SHE: variants seen among roughly 807,000 people sequenced by gnomAD.
SHE encodes Src homology 2 domain containing E.
SHE carries 11 observed loss-of-function variants against 49.8 expected under a neutral mutation model. The observed-to-expected ratio is 0.22, with a 90% CI of 0.14 to 0.37. The LOEUF is 0.37. Ranked by LOEUF, SHE falls within the 10% of genes least tolerant of loss-of-function variation. The pLI is 1.00. For synonymous variants in SHE, 310 were observed against 278.1 expected (o/e 1.11, Z -1.14); for missense variants, 624 against 655.5 (o/e 0.95, Z 0.52).
Position 154,484,096 on chromosome 1 carries a change from G to C in SHE, c.*53C>G, listed in dbSNP as rs765529660. ...TTGTCCTCTGAGATGCTGGTTGTGCGCTGATGATGCCCTTGAAGGTGCCAG... is the reference window on the plus strand; with the variant it reads ...TTGTCCTCTGAGATGCTGGTTGTGCCCTGATGATGCCCTTGAAGGTGCCAG... On this transcript the variant is annotated 3_prime_UTR_variant, in exon 6 of 6. Coordinates refer to ENST00000304760, the MANE Select transcript of SHE (RefSeq NM_001010846.3). The C allele has an allele frequency of 3.8e-6, 6 of 1,579,544 alleles. No homozygotes were observed. Among genetic ancestry groups the C allele is most frequent in the Non-Finnish European group, 5.2e-6 (6 of 1,158,118 alleles).
chr1:154,490,259 T>A (rs1692322727), intron 2 of SHE, among the ~76,000 whole-genome samples: 1 of 152,214 alleles, frequency 6.6e-6, no homozygotes, highest in South Asian at 2.1e-4. Flanking sequence ...AAACCAGTAA[T>A]AACAACTCAG....
Position 154,501,908 on chromosome 1 carries a change from T to C in SHE, c.119A>G (p.Lys40Arg), listed in dbSNP as rs544000805. The C allele has an allele frequency of 1.5e-4, 233 of 1,506,576 alleles. 1 individual carries two copies. In the South Asian group the frequency reaches 2.1e-3, roughly 13 times the overall value. The allele number at this position is 1,506,576 out of a possible 1,614,324, so 93.3% of individuals were successfully genotyped here. A position where few individuals can be genotyped will look rare whatever the true frequency, so the allele number is the denominator to read the frequency against. ...RAGRGPLMAAKWFKEFPLNLK... is the reference protein window; with the variant it reads ...RAGRGPLMAARWFKEFPLNLK... ...GTTCAGGGGGAACTCCTTGAACCAC[T>C]TGGCCGCCATGAGGGGGCCCCGGCC... The change falls in exon 1 of 6, where the codon AAG (lysine) becomes AGG (arginine). Residue 40 changes from lysine (K) to arginine (R), a missense_variant. Coordinates refer to ENST00000304760, the MANE Select transcript of SHE (RefSeq NM_001010846.3).
chr1:154,501,785 C>T lies in SHE; in HGVS notation c.242G>A (p.Gly81Asp). The change falls in exon 1 of 6, where the codon GGC becomes GAC. Residue 81 changes from glycine (G) to aspartate (D), a missense_variant. This residue lies in a region of SHE where 337 missense variants were observed against 306.0 expected (regional missense o/e 1.10). Coordinates refer to ENST00000304760, the MANE Select transcript of SHE (RefSeq NM_001010846.3). ...AGGAGPGPGK[G>D]RKNSAAELGS... ...CAGCTCGGCCGCCGAGTTCTTGCGGCCCTTGCCAGGACCCGGCCCAGCGCC... is the reference window on the plus strand; with the variant it reads ...CAGCTCGGCCGCCGAGTTCTTGCGGTCCTTGCCAGGACCCGGCCCAGCGCC... 1 of 1,561,734 alleles carries T rather than the reference C, an allele frequency of 6.4e-7. No homozygotes were observed. Among genetic ancestry groups the T allele is most frequent in the Non-Finnish European group, 8.6e-7 (1 of 1,160,778 alleles).
chr1:154,492,112 C>T (rs190791040), intron 2 of SHE, among the ~76,000 whole-genome samples: 132 of 152,274 alleles, frequency 8.7e-4, no homozygotes, highest in Non-Finnish European at 1.3e-3. Flanking sequence ...AAAATCAGGA[C>T]ACCAAATTCA....
At chr1:154,493,994 T>C (rs1692448957) in intron 2 of SHE, among the ~76,000 whole-genome samples, 1 of 152,262 alleles carries the variant, frequency 6.6e-6, no homozygotes, top group East Asian at 1.9e-4. Context: ...CCATGCTTTA[T>C]GCTCAAATGA....
intron 1 of SHE, among the ~76,000 whole-genome samples, chr1:154,472,868 A>G (rs1303956275): frequency 1.3e-5 from 2 of 152,182 alleles, no homozygotes; most frequent in Non-Finnish European, 2.9e-5. Context: ...TTACCTAATA[A>G]TAATGGCTAC....
In SHE at chr1:154,501,478, C is replaced by A. The variant is rs766023780; in HGVS notation, c.549G>T (p.Gly183=). 1 of 1,614,008 alleles carries A rather than the reference C, an allele frequency of 6.2e-7. No individual in the cohort carries two copies. Among genetic ancestry groups the A allele is most frequent in the African/African-American group, 1.3e-5 (1 of 74,894 alleles). The change falls in exon 1 of 6, where the codon GGG becomes GGT. Residue 183 remains glycine, a synonymous_variant. Coordinates refer to ENST00000304760, the MANE Select transcript of SHE (RefSeq NM_001010846.3). ...SSASSSPSSL[G]PELDKGKIIK... is the part of the protein sequence containing the mutation. ...TAATCTTGCCCTTGTCCAGCTCGGG[C>A]CCCAGGGAGGAAGGGGAAGAGGACG...
intron 2 of SHE, among the ~76,000 whole-genome samples, chr1:154,496,823 A>C (rs1692546124): frequency 6.6e-6 from 1 of 152,200 alleles, no homozygotes; most frequent in Non-Finnish European, 1.5e-5. Flanking sequence ...TCCTCTTATC[A>C]GTGCAGCTCT....
intron 2 of SHE, among the ~76,000 whole-genome samples, chr1:154,492,172 G>A (rs966534001): frequency 6.6e-6 from 1 of 152,168 alleles, no homozygotes; most frequent in Non-Finnish European, 1.5e-5. Flanking sequence ...CTGCTGACTA[G>A]GGGCTGTCAG....
intron 2 of SHE, among the ~76,000 whole-genome samples, chr1:154,492,674 G>A (rs1692404184): frequency 6.6e-6 from 1 of 152,178 alleles, no homozygotes; most frequent in Non-Finnish European, 1.5e-5. Context: ...ATTAAGACAA[G>A]GCTGTAATTT....
downstream of SHE, among the ~76,000 whole-genome samples, chr1:154,476,237 T>C (rs1383791757): frequency 2.6e-5 from 4 of 152,082 alleles, no homozygotes; most frequent in African/African-American, 9.7e-5. Flanking sequence ...TCCCAGCCAC[T>C]TGGGAAGTTG....
intron 2 of SHE, among the ~76,000 whole-genome samples, chr1:154,490,068 C>A (rs1254969901): frequency 6.6e-6 from 1 of 152,246 alleles, no homozygotes; most frequent in African/African-American, 2.4e-5. Flanking sequence ...AAGTCAGGCA[C>A]TGTCTGGATA....
Position 154,501,610 on chromosome 1 carries a change from G to T in SHE, c.417C>A (p.Gly139=). Residue 139 remains glycine, a synonymous_variant, in exon 1 of 6, where the codon GGC becomes GGA. Coordinates refer to ENST00000304760, the MANE Select transcript of SHE (RefSeq NM_001010846.3). ...TGAGCCTGTTGATGTAGGTGCTGCA[G>T]CCCGAGCTCTTGGTTGCACCCCGGT... ...EPHRGATKSS[G]CSTYINRLIK... 3 of 1,614,220 alleles carry T rather than the reference G, an allele frequency of 1.9e-6. No homozygotes were observed. Among genetic ancestry groups the T allele is most frequent in the Non-Finnish European group, 2.5e-6 (3 of 1,180,026 alleles).
intron 2 of SHE, among the ~76,000 whole-genome samples, chr1:154,498,685 T>C (rs922072898): frequency 6.6e-6 from 1 of 152,208 alleles, no homozygotes; most frequent in African/African-American, 2.4e-5. Context: ...CACGAGCCAC[T>C]GCACCTGGCC....
chr1:154,486,277 C>T (rs534224658), intron 4 of SHE, among the ~76,000 whole-genome samples: 9 of 152,292 alleles, frequency 5.9e-5, no homozygotes, highest in East Asian at 5.8e-4. Context: ...GAGTTAACGG[C>T]GCTAGTGTCA....
At position 154,482,510 on chromosome 1, in the gene SHE, A is replaced by C; in HGVS notation, c.*1639T>G. The C allele has an allele frequency of 2.0e-6, 2 of 985,408 alleles. No individual in the cohort carries two copies. The highest frequency in any genetic ancestry group is 2.4e-6 in the Non-Finnish European group (2 of 829,904). The allele number at this position is 985,408 out of a possible 1,614,324, so 61.0% of individuals were successfully genotyped here. A position where few individuals can be genotyped will look rare whatever the true frequency, so the allele number is the denominator to read the frequency against. On this transcript the variant is annotated 3_prime_UTR_variant, in exon 6 of 6. Transcript: ENST00000304760. Reference sequence around the variant, plus strand: ...ACTTTCCTAAAAAATTAACCAAATCAACATTTTGTGTGTATTTATAAGCTA... The same window carrying C: ...ACTTTCCTAAAAAATTAACCAAATCCACATTTTGTGTGTATTTATAAGCTA...
chr1:154,501,922 G>A lies in SHE; in HGVS notation c.105C>T (p.Pro35=), dbSNP rs529541565. Residue 35 remains proline (P), a synonymous_variant, in exon 1 of 6, where the codon CCC becomes CCT. Transcript: ENST00000304760. ...CCTTGAACCACTTGGCCGCCATGAGGGGGCCCCGGCCGGCTCGGCCCAGGA... is the reference window on the plus strand; with the variant it reads ...CCTTGAACCACTTGGCCGCCATGAGAGGGCCCCGGCCGGCTCGGCCCAGGA... ...PTLLGRAGRG[P]LMAAKWFKEF... is the part of the protein sequence containing the mutation. 2.7e-6 allele frequency: 4 copies of A among 1,496,952 alleles called. No individual in the cohort carries two copies. In the Admixed American group the frequency reaches 7.0e-5, roughly 26 times the overall value. 92.7% of individuals were successfully genotyped at this position (1,496,952 alleles called of 1,614,324 possible).
intron 3 of SHE, among the ~76,000 whole-genome samples, chr1:154,487,336 TTAC>T (rs2149292503): frequency 1.3e-5 from 2 of 150,114 alleles, no homozygotes; most frequent in East Asian, 3.9e-4. Context: ...TTAAACATAG[TTAC>T]AGGTAATGAA....
chr1:154,500,088 A>G (rs1483875108), intron 1 of SHE, among the ~76,000 whole-genome samples: 1 of 152,192 alleles, frequency 6.6e-6, no homozygotes, highest in Non-Finnish European at 1.5e-5. Context: ...ATTCAGATAC[A>G]TGAGGAGAAG....
Sources: allele counts gnomAD v4.1 joint callset (sites outside exome capture counted in the v4.1 genomes callset), GRCh38; gene constraint gnomAD v4.1.1; regional missense constraint gnomAD v4.1.1; transcripts MANE v1.5; gene names NCBI Gene and HGNC (gene_info 2026-07-23, HGNC 2026-07-21).